OSBPL11: variants seen among roughly 807,000 people sequenced by gnomAD.
OSBPL11 encodes oxysterol binding protein like 11.
A neutral mutation model predicts 84.4 loss-of-function variants in OSBPL11; 33 were observed. That is an observed-to-expected ratio of 0.39 (90% CI 0.30 to 0.52). The LOEUF is 0.52. Ranked by LOEUF, OSBPL11 falls within the 20% of genes least tolerant of loss-of-function variation. OSBPL11 has a pLI of 0.72. For synonymous variants in OSBPL11, 276 were observed against 310.2 expected, an observed-to-expected ratio of 0.89 and a Z score of 1.16; for missense variants, 736 against 901.1, an observed-to-expected ratio of 0.82 and a Z score of 2.35.
rs1243054228 is a variant in OSBPL11, at chr3:125,529,014, T to G, written c.*1501A>C. ...CAACTCTTTTTCTTATAATTTACAA[T>G]TTGTTGAAAAAATTATTGTTTTGCT... is the stretch of plus-strand genomic sequence containing the variant. On this transcript the variant is annotated 3_prime_UTR_variant, in exon 13 of 13. Transcript: ENST00000296220. 6.5e-6 allele frequency: 1 copy of G among 152,674 alleles called. No individual in the cohort carries two copies. Among genetic ancestry groups the G allele is most frequent in the African/African-American group, 2.4e-5 (1 of 41,466 alleles). 9.5% of individuals were successfully genotyped at this position (152,674 alleles called of 1,614,324 possible).
intron 8 of OSBPL11, among the ~76,000 whole-genome samples, chr3:125,556,352 G>T (rs771889764): frequency 6.6e-6 from 1 of 152,186 alleles, no homozygotes; most frequent in Non-Finnish European, 1.5e-5. Context: ...TGCTGGTGAA[G>T]TTCTTAGTCT....
chr3:125,536,331 G>C (rs1935639727), intron 11 of OSBPL11, among the ~76,000 whole-genome samples: 1 of 152,078 alleles, frequency 6.6e-6, no homozygotes, highest in Non-Finnish European at 1.5e-5. Context: ...GAAATCCACT[G>C]GTCTAATGTG....
chr3:125,566,520 T>C (rs1165899329), intron 6 of OSBPL11, among the ~76,000 whole-genome samples: 1 of 152,170 alleles, frequency 6.6e-6, no homozygotes, highest in Non-Finnish European at 1.5e-5. Context: ...TAAGGGAAAC[T>C]GTCTCCTGAG....
chr3:125,594,487 G>T, intron 1 of OSBPL11, 150 bp downstream of exon 1: 5 of 888,958 alleles, frequency 5.6e-6, no homozygotes, highest in Non-Finnish European at 8.6e-6. Context: ...AAATCTTTTA[G>T]GCGAGGTCCC....
chr3:125,539,338 T>TAC (rs1300893958), intron 10 of OSBPL11, among the ~76,000 whole-genome samples: 1 of 123,002 alleles, frequency 8.1e-6, no homozygotes, highest in African/African-American at 3.4e-5. Context: ...TATATATATA[T>TAC]ATATATAATA....
At chr3:125,574,709 T>A (rs981407308) in intron 5 of OSBPL11, among the ~76,000 whole-genome samples, 5 of 152,182 alleles carry the variant, frequency 3.3e-5, no homozygotes, top group African/African-American at 1.2e-4. Flanking sequence ...AGCTTCCCAA[T>A]ACTTTTCTGA....
intron 4 of OSBPL11, among the ~76,000 whole-genome samples, chr3:125,577,489 A>C (rs1477348447): frequency 1.3e-5 from 2 of 152,160 alleles, no homozygotes; most frequent in Non-Finnish European, 2.9e-5. Context: ...TAACCATAAT[A>C]ATTTTTTTAA....
rs574633446 is a variant in OSBPL11 at position 125,546,104 on chromosome 3, T to C, written c.1841+1302A>G. ...GAGTACAAAACCAGTCTGGGCAACA[T>C]AGGGAGATCCTGTCTCTTAAAAAAA... is the stretch of plus-strand genomic sequence containing the variant. On this transcript the variant is annotated intron_variant, in intron 10 of 12. Coordinates refer to ENST00000296220, the MANE Select transcript of OSBPL11 (RefSeq NM_022776.5). Among the ~76,000 whole-genome samples the C allele has an allele frequency of 2.0e-4, 29 of 145,544 alleles. 1 individual carries two copies. The South Asian group carries it at 5.0e-3, about 25-fold the overall frequency.
intron 10 of OSBPL11, among the ~76,000 whole-genome samples, chr3:125,543,673 G>A (rs899253915): frequency 6.6e-6 from 1 of 152,008 alleles, no homozygotes. Context: ...GGCCAAGGTG[G>A]GCAGATCACT....
intron 7 of OSBPL11, among the ~76,000 whole-genome samples, chr3:125,563,012 C>T (rs1309491249): frequency 6.6e-6 from 1 of 151,276 alleles, no homozygotes; most frequent in East Asian, 1.9e-4. Flanking sequence ...TCTAGATATT[C>T]AACAATAGGG....
rs1228855145 is a variant in OSBPL11 at position 125,576,336 on chromosome 3, G to A, written c.519C>T (p.Phe173=). The change falls in exon 5 of 13, where the codon TTC becomes TTT. Residue 173 remains phenylalanine, a synonymous_variant. Coordinates refer to ENST00000296220, the MANE Select transcript of OSBPL11 (RefSeq NM_022776.5). ...GAGAATTACTACTAGATGCAAGTGA[G>A]AAGCTCCGTGACTTCAGAGGAGGAT... The part of the protein sequence containing the change: ...KNNPPLKSRS[F]SLASSSNSPI... The A allele has an allele frequency of 5.6e-6, 9 of 1,594,360 alleles. No homozygotes were observed. The highest frequency in any genetic ancestry group is 6.8e-6 in the Non-Finnish European group (8 of 1,174,964).
At chr3:125,562,663 A>C (rs1282453511) in intron 7 of OSBPL11, among the ~76,000 whole-genome samples, 1 of 152,236 alleles carries the variant, frequency 6.6e-6, no homozygotes, top group African/African-American at 2.4e-5. Flanking sequence ...GCGGTAGCTC[A>C]CACCTGTAAT....
At chr3:125,587,706 CT>C (rs1476592267) in intron 1 of OSBPL11, among the ~76,000 whole-genome samples, 1 of 152,160 alleles carries the variant, frequency 6.6e-6, no homozygotes, top group Non-Finnish European at 1.5e-5. Flanking sequence ...AATCCCAGCA[CT>C]TTGGGAGGAT....
chr3:125,570,543 C>G (rs959777296), intron 5 of OSBPL11, among the ~76,000 whole-genome samples: 1 of 151,996 alleles, frequency 6.6e-6, no homozygotes, highest in Non-Finnish European at 1.5e-5. Context: ...GGCTGTGTCC[C>G]CACCCAAATC....
intron 1 of OSBPL11, among the ~76,000 whole-genome samples, chr3:125,592,146 G>C (rs1936604346): frequency 1.3e-5 from 2 of 152,158 alleles, no homozygotes; most frequent in Non-Finnish European, 2.9e-5. Flanking sequence ...CTGGAGCCTA[G>C]AACTCAAGCA....
chr3:125,594,610 G>A (rs1371405193), intron 1 of OSBPL11, 27 bp downstream of exon 1: 2 of 1,604,254 alleles, frequency 1.2e-6, no homozygotes, highest in Non-Finnish European at 1.7e-6. Flanking sequence ...TCCACCTCGG[G>A]AAATAATTTT....
At position 125,563,817 on chromosome 3, in the gene OSBPL11, T is replaced by C; in HGVS notation, c.895A>G (p.Lys299Glu). 6.2e-7 allele frequency: 1 copy of C among 1,614,192 alleles called. No individual in the cohort carries two copies. Among genetic ancestry groups the C allele is most frequent in the Non-Finnish European group, 8.5e-7 (1 of 1,180,036 alleles). Reference protein sequence around the residue: ...SGTTIEWLEPKISLSNHYKNG... With the variant: ...SGTTIEWLEPEISLSNHYKNG... ...TTATAGTGGTTTGATAAAGATATCT[T>C]TGGTTCTAACCACTCGATTGTCGTT... Residue 299 changes from lysine to glutamate, a missense_variant, in exon 7 of 13, where the codon AAG (lysine) becomes GAG (glutamate). Physicochemically the swap from Lys to Glu is moderately conservative, Grantham distance 56. Around this residue, in one of 3 missense-constraint regions of OSBPL11, gnomAD observed 579 missense variants for 717.6 expected, o/e 0.81. Coordinates refer to ENST00000296220, the MANE Select transcript of OSBPL11 (RefSeq NM_022776.5).
chr3:125,593,476 C>T (rs1258183943), intron 1 of OSBPL11, among the ~76,000 whole-genome samples: 2 of 151,814 alleles, frequency 1.3e-5, no homozygotes, highest in African/African-American at 4.8e-5. Flanking sequence ...AAAAATTAGC[C>T]AGGTGTGGTG....
intron 5 of OSBPL11, among the ~76,000 whole-genome samples, chr3:125,572,261 G>A (rs1936254097): frequency 1.3e-5 from 2 of 152,206 alleles, no homozygotes; most frequent in African/African-American, 4.8e-5. Flanking sequence ...TATCTAGGAA[G>A]TAGCTAACTT....
Sources: gnomAD v4.1 joint callset for allele counts (sites outside exome capture counted in the v4.1 genomes callset) on GRCh38, gnomAD v4.1.1 for gene constraint, gnomAD v4.1.1 regional missense constraint, MANE v1.5 for transcripts, NCBI Gene and HGNC (gene_info 2026-07-23, HGNC 2026-07-21) for gene names.